Variants in HOMER2 observed in about 807,000 individuals in gnomAD.
HOMER2 encodes homer protein homolog 2.
A neutral mutation model predicts 47.0 loss-of-function variants in HOMER2; 27 were observed. That is an observed-to-expected ratio of 0.57 (90% confidence interval 0.42 to 0.79). The LOEUF (loss-of-function observed/expected upper bound fraction) is 0.79, where lower values mean the gene tolerates loss of function less well. Among genes scored for constraint, HOMER2 ranks in the 30% least tolerant of loss-of-function variants. The probability of loss-of-function intolerance (pLI) is 0.00; values close to 1 mark genes in which losing one functional copy is unlikely to be tolerated. For synonymous variants in HOMER2, 161 were observed against 163.8 expected, an observed-to-expected ratio of 0.98 and a Z score of 0.13; for missense variants, 443 against 435.0, an observed-to-expected ratio of 1.02 and a Z score of -0.16.
upstream of HOMER2, among the ~76,000 whole-genome samples, chr15:82,956,406 C>T (rs74030852): frequency 2.1e-3 from 323 of 152,194 alleles, no homozygotes; most frequent in African/African-American, 7.0e-3. Flanking sequence ...GTGCAGTGAG[C>T]TTAGCAAAGC....
At chr15:82,899,314 G>T (rs1483018272) in intron 1 of HOMER2, among the ~76,000 whole-genome samples, 1 of 152,164 alleles carries the variant, frequency 6.6e-6, no homozygotes, top group African/African-American at 2.4e-5. Flanking sequence ...TCTGATTTGT[G>T]CTCTGAAGAC....
At chr15:82,957,648 C>T (rs1217801773), upstream of HOMER2, among the ~76,000 whole-genome samples, 1 of 152,102 alleles carries the variant, frequency 6.6e-6, no homozygotes, top group Non-Finnish European at 1.5e-5. Context: ...TTTAAGATGA[C>T]ACCAGATCAG....
At chr15:82,936,240 G>A (rs573624866) in intron 1 of HOMER2, among the ~76,000 whole-genome samples, 1 of 152,272 alleles carries the variant, frequency 6.6e-6, no homozygotes, top group South Asian at 2.1e-4. Context: ...CCTCTTCAGA[G>A]GGGCATCTCA....
intron 1 of HOMER2, among the ~76,000 whole-genome samples, chr15:82,898,211 A>C (rs1019300429): frequency 6.6e-6 from 1 of 152,224 alleles, no homozygotes; most frequent in Admixed American, 6.5e-5. Context: ...CCTGACTTTG[A>C]AAGAGTCTTC....
Position 82,903,660 on chromosome 15 carries a change from AACACACAC to A in HOMER2, c.6-10827_6-10820del, listed in dbSNP as rs57941285. Among the ~76,000 whole-genome samples the A allele has an allele frequency of 4.0e-5, 6 of 150,174 alleles. No homozygotes were observed. The East Asian group carries it at 1.2e-3, about 30-fold the overall frequency. On this transcript the variant is annotated intron_variant, in intron 1 of 8. Transcript: ENST00000450735. ...CGGCAACAAGAGCGAAACTCCTCTA[AACACACAC>A]ACACACACACGCCACACCCCACATC... is the stretch of plus-strand genomic sequence containing the variant.
intron 1 of HOMER2, among the ~76,000 whole-genome samples, chr15:82,925,732 CT>C (rs1191612376): frequency 6.6e-6 from 1 of 152,128 alleles, no homozygotes; most frequent in Non-Finnish European, 1.5e-5. Context: ...CTATTATTTG[CT>C]TTCATGGCAC....
At chr15:82,921,782 T>C (rs2053734686) in intron 1 of HOMER2, among the ~76,000 whole-genome samples, 1 of 152,216 alleles carries the variant, frequency 6.6e-6, no homozygotes, top group Non-Finnish European at 1.5e-5. Flanking sequence ...ACTCAGACTC[T>C]GGGCTCTGGT....
rs541272061 is a variant in HOMER2, at chr15:82,982,802, G to A, written n.82+2985C>T. The stretch of plus-strand genomic sequence containing the variant: ...TATCCTTCTTGATTCCCGATACTAG[G>A]TGAGGAAGCATTTTTCTTAGTTTTT... On this transcript the variant is annotated intron_variant and non_coding_transcript_variant, in intron 1 of 1. Transcript: ENST00000500334. Among the ~76,000 whole-genome samples the A allele has an allele frequency of 4.9e-4, 74 of 152,258 alleles. 1 individual carries two copies. The highest frequency in any genetic ancestry group is 1.8e-3 in the African/African-American group (74 of 41,534).
intron 1 of HOMER2, among the ~76,000 whole-genome samples, chr15:82,900,351 A>G (rs189721755): frequency 6.6e-6 from 1 of 151,844 alleles, no homozygotes; most frequent in Admixed American, 6.5e-5. Context: ...TGAGGCACAC[A>G]GAAGAAAACT....
At chr15:82,904,677 T>G (rs1600568) in intron 1 of HOMER2, among the ~76,000 whole-genome samples, 1 of 152,152 alleles carries the variant, frequency 6.6e-6, no homozygotes, top group Non-Finnish European at 1.5e-5. Context: ...CCTGTCCTAC[T>G]TAAGCGGAGA....
chr15:82,857,216 C>G (rs1416584822), intron 5 of HOMER2, among the ~76,000 whole-genome samples: 1 of 152,058 alleles, frequency 6.6e-6, no homozygotes, highest in Non-Finnish European at 1.5e-5. Flanking sequence ...CTCACCTCCT[C>G]TCCCCACCTG....
chr15:82,953,789 A>G (rs1226743578), upstream of HOMER2, among the ~76,000 whole-genome samples: 4 of 152,348 alleles, frequency 2.6e-5, no homozygotes, highest in South Asian at 4.1e-4. Context: ...AGGCTGACGC[A>G]CAAGAATCGC....
chr15:82,900,966 T>A (rs1218712079), intron 1 of HOMER2, among the ~76,000 whole-genome samples: 1 of 152,218 alleles, frequency 6.6e-6, no homozygotes, highest in East Asian at 1.9e-4. Flanking sequence ...CACCAGGGAA[T>A]GGATGAGGCA....
rs2054261881 is a variant in HOMER2, at chr15:82,941,376, G to C, written c.5+11155C>G. Among the ~76,000 whole-genome samples the C allele has an allele frequency of 2.8e-5, 4 of 144,430 alleles. No individual in the cohort carries two copies. The Middle Eastern group carries it at 0.016, about 569-fold the overall frequency. The allele number at this position is 144,430 out of a possible 152,430, so 94.8% of individuals were successfully genotyped here. On this transcript the variant is annotated intron_variant, in intron 1 of 8. Coordinates refer to ENST00000450735, the MANE Select transcript of HOMER2 (RefSeq NM_004839.4). ...CAAGAATCGCTTGAACCGGGAGGCA[G>C]AGGCTGCGGTGAGCCAAGTTCACAC...
At position 82,858,211 on chromosome 15, in the gene HOMER2, T is replaced by C. The variant is rs1303165797; in HGVS notation, c.494+818A>G. On this transcript the variant is annotated intron_variant, in intron 5 of 8. Transcript: ENST00000450735. ...ATATTCCACATGACTTTTTTGTATA[T>C]AGGTGACTGAGTTTTGTGTGATTTC... 2.0e-5 allele frequency among the ~76,000 whole-genome samples: 3 copies of C among 152,220 alleles called. No homozygotes were observed. In the East Asian group the frequency reaches 5.8e-4, roughly 29 times the overall value.
intron 1 of HOMER2, among the ~76,000 whole-genome samples, chr15:82,927,646 C>G (rs1596360926): frequency 6.6e-6 from 1 of 152,134 alleles, no homozygotes; most frequent in African/African-American, 2.4e-5. Flanking sequence ...TAGTTAACTG[C>G]GTGAATGGAG....
At chr15:82,862,440 G>A (rs902884976) in intron 4 of HOMER2, among the ~76,000 whole-genome samples, 4 of 152,184 alleles carry the variant, frequency 2.6e-5, no homozygotes, top group South Asian at 2.1e-4. Context: ...GCAAGACCCC[G>A]TCTCAAATAA....
intron 1 of HOMER2, among the ~76,000 whole-genome samples, chr15:82,918,668 T>G (rs1331122998): frequency 2.0e-5 from 3 of 152,170 alleles, no homozygotes; most frequent in Non-Finnish European, 2.9e-5. Context: ...TCCCTGCTGC[T>G]GTTCTCCCTG....
intron 1 of HOMER2, chr15:82,951,971 T>G (rs2054515995): frequency 1.3e-6 from 1 of 762,368 alleles, no homozygotes; most frequent in Admixed American, 6.2e-5. Context: ...ACTTCCCTCC[T>G]GAGCATCTAC....
Sources: allele counts gnomAD v4.1 joint callset (sites outside exome capture counted in the v4.1 genomes callset), GRCh38; gene constraint gnomAD v4.1.1; transcripts MANE v1.5; gene names NCBI Gene and HGNC (gene_info 2026-07-23, HGNC 2026-07-21).